The following CNTNAP2 variants were observed in gnomAD, a reference collection of about 807,000 sequenced individuals.
The protein encoded by CNTNAP2 is contactin associated protein 2.
CNTNAP2 carries 98 observed loss-of-function variants against 155.2 expected under a neutral mutation model. The observed-to-expected ratio is 0.63, with a 90% CI of 0.54 to 0.75. The LOEUF (loss-of-function observed/expected upper bound fraction) is 0.75. Among genes scored for constraint, CNTNAP2 ranks in the 30% least tolerant of loss-of-function variants. The pLI, the probability that CNTNAP2 is intolerant of heterozygous loss-of-function variation, is 0.00. For missense variants in CNTNAP2, 1,727 were observed against 1,688.1 expected (o/e 1.02, Z -0.40); for synonymous variants, 651 against 631.2 (o/e 1.03, Z -0.47).
At chr7:146,650,082 C>A (rs1799881124) in intron 1 of CNTNAP2, among the ~76,000 whole-genome samples, 4 of 151,950 alleles carry the variant, frequency 2.6e-5, no homozygotes, top group Admixed American at 2.0e-4. Flanking sequence ...TATTTAGTTA[C>A]ACCATTGTTG....
chr7:147,044,688 G>A (rs1336461734), intron 4 of CNTNAP2, among the ~76,000 whole-genome samples: 1 of 152,020 alleles, frequency 6.6e-6, no homozygotes, highest in East Asian at 1.9e-4. Context: ...ATATGAATTT[G>A]GGGGATTATA....
At chr7:147,192,912 G>A (rs1358322456) in intron 8 of CNTNAP2, among the ~76,000 whole-genome samples, 1 of 152,076 alleles carries the variant, frequency 6.6e-6, no homozygotes, top group Non-Finnish European at 1.5e-5. Context: ...GCAACTTACT[G>A]GTTTTACCCC....
intron 1 of CNTNAP2, among the ~76,000 whole-genome samples, chr7:146,688,795 C>A (rs1476352098): frequency 6.6e-6 from 1 of 151,994 alleles, no homozygotes; most frequent in Non-Finnish European, 1.5e-5. Flanking sequence ...CATGAAATGA[C>A]ATAAAAACAA....
intron 11 of CNTNAP2, among the ~76,000 whole-genome samples, chr7:147,559,320 T>C (rs1036275652): frequency 2.6e-5 from 4 of 152,190 alleles, no homozygotes; most frequent in African/African-American, 9.7e-5. Context: ...AACATTCACA[T>C]TGGCAAGCAG....
chr7:146,970,882 TA>T (rs1318304322), intron 3 of CNTNAP2, among the ~76,000 whole-genome samples: 1 of 151,964 alleles, frequency 6.6e-6, no homozygotes, highest in African/African-American at 2.4e-5. Context: ...TATGCAGCCA[TA>T]AAAAATGATG....
chr7:147,240,331 A>G (rs1812526126), intron 8 of CNTNAP2, among the ~76,000 whole-genome samples: 1 of 152,244 alleles, frequency 6.6e-6, no homozygotes, highest in Non-Finnish European at 1.5e-5. Context: ...TCTCTAATAA[A>G]AAGAAAATGC....
chr7:147,289,615 T>C (rs970663526), intron 8 of CNTNAP2, among the ~76,000 whole-genome samples: 4 of 152,176 alleles, frequency 2.6e-5, no homozygotes, highest in Non-Finnish European at 2.9e-5. Context: ...GAAAAGAAAT[T>C]AATCATTGGC....
At chr7:148,350,195 G>A (rs1279241771) in intron 21 of CNTNAP2, among the ~76,000 whole-genome samples, 4 of 151,964 alleles carry the variant, frequency 2.6e-5, no homozygotes, top group Non-Finnish European at 5.9e-5. Context: ...GACTATCTGC[G>A]GATGTATTCG....
At chr7:147,256,045 T>C (rs1461304761) in intron 8 of CNTNAP2, among the ~76,000 whole-genome samples, 1 of 152,164 alleles carries the variant, frequency 6.6e-6, no homozygotes, top group Non-Finnish European at 1.5e-5. Flanking sequence ...CTAGCCCATA[T>C]TTTAGTAAGG....
chr7:147,333,080 T>G (rs1045377952), intron 9 of CNTNAP2, among the ~76,000 whole-genome samples: 7 of 152,130 alleles, frequency 4.6e-5, no homozygotes, highest in African/African-American at 1.7e-4. Flanking sequence ...TTGGACTGTC[T>G]TGAGGCCATA....
chr7:146,232,871 G>C (rs1304119722), intron 1 of CNTNAP2, among the ~76,000 whole-genome samples: 3 of 151,990 alleles, frequency 2.0e-5, no homozygotes, highest in Non-Finnish European at 2.9e-5. Context: ...AGACATTGGG[G>C]GATACAAGAG....
chr7:147,447,886 C>T (rs1406499924), intron 10 of CNTNAP2, among the ~76,000 whole-genome samples: 1 of 151,920 alleles, frequency 6.6e-6, no homozygotes, highest in Non-Finnish European at 1.5e-5. Context: ...CAAGAAAGTC[C>T]TAATTCAAGT....
chr7:146,602,005 A>C (rs1191078027), intron 1 of CNTNAP2, among the ~76,000 whole-genome samples: 2 of 152,194 alleles, frequency 1.3e-5, no homozygotes, highest in Non-Finnish European at 2.9e-5. Flanking sequence ...CATTCAAAAC[A>C]AGAATCCACA....
chr7:147,265,306 T>G (rs920188461), intron 8 of CNTNAP2, among the ~76,000 whole-genome samples: 1 of 152,330 alleles, frequency 6.6e-6, no homozygotes, highest in African/African-American at 2.4e-5. Flanking sequence ...CAGGCCACCA[T>G]TTTTTCCTCT....
At chr7:146,813,696 A>G (rs1470812157) in intron 2 of CNTNAP2, among the ~76,000 whole-genome samples, 2 of 152,102 alleles carry the variant, frequency 1.3e-5, no homozygotes, top group African/African-American at 2.4e-5. Context: ...TTGTGTTTCG[A>G]AATGTGAGGA....
At chr7:147,765,303 G>A (rs1797366285) in intron 13 of CNTNAP2, among the ~76,000 whole-genome samples, 1 of 152,224 alleles carries the variant, frequency 6.6e-6, no homozygotes, top group East Asian at 1.9e-4. Flanking sequence ...TATTCTCTCT[G>A]TACCCCTACC....
At chr7:148,015,204 A>G (rs539233222) in intron 15 of CNTNAP2, among the ~76,000 whole-genome samples, 1 of 152,208 alleles carries the variant, frequency 6.6e-6, no homozygotes, top group South Asian at 2.1e-4. Flanking sequence ...AGAACATTAC[A>G]TAGTATTTTT....
At chr7:148,174,417 A>AC (rs67808974) in intron 18 of CNTNAP2, among the ~76,000 whole-genome samples, 73,535 of 150,552 alleles carry the variant, frequency 0.49, 18,692 homozygotes, top group East Asian at 0.74. Flanking sequence ...AGTTCCTGTG[A>AC]CCGCCCCCCA....
intron 3 of CNTNAP2, among the ~76,000 whole-genome samples, chr7:146,884,387 G>T (rs951111965): frequency 6.6e-6 from 1 of 152,120 alleles, no homozygotes; most frequent in Non-Finnish European, 1.5e-5. Flanking sequence ...AAATTTGACA[G>T]GTAGCAATGG....
Sources: allele counts gnomAD v4.1 joint callset (sites outside exome capture counted in the v4.1 genomes callset), GRCh38; gene constraint gnomAD v4.1.1; transcripts MANE v1.5; gene names NCBI Gene and HGNC (gene_info 2026-07-23, HGNC 2026-07-21).